SFMBT2: variants seen among roughly 807,000 people sequenced by gnomAD.
SFMBT2 encodes the protein scm-like with four MBT domains protein 2.
In SFMBT2, 38 loss-of-function variants were observed where a neutral mutation model predicts 110.1. That is an observed-to-expected ratio of 0.35 (90% CI 0.27 to 0.45). The LOEUF (loss-of-function observed/expected upper bound fraction) is 0.45. SFMBT2 is among the 20% of genes least tolerant of loss of function. The pLI, the probability that SFMBT2 is intolerant of heterozygous loss-of-function variation, is 1.00. For synonymous variants in SFMBT2, 425 were observed against 425.4 expected (o/e 1.00, Z 0.01); for missense variants, 1,011 against 1,094.9 (o/e 0.92, Z 1.08).
intron 9 of SFMBT2, among the ~76,000 whole-genome samples, chr10:7,228,982 TGGACAGGCAA>T (rs1840031765): frequency 6.6e-6 from 1 of 151,824 alleles, no homozygotes; most frequent in South Asian, 2.1e-4. Flanking sequence ...ATCAAACCAA[TGGACAGGCAA>T]GGAAAAAGGA....
chr10:7,170,203 G>A lies in SFMBT2; in HGVS notation c.2544+725C>T, dbSNP rs545087100. On this transcript the variant is annotated intron_variant, in intron 20 of 20. Coordinates refer to ENST00000397167, the MANE Select transcript of SFMBT2 (RefSeq NM_001387889.1). This position sits in a 1 kb window ranked among gnomAD's most constrained non-coding sequence, Gnocchi z 4.6. ...TGACAGCACAGTGCTGAGCTCTCTG[G>A]TTGTTGTGGTTGCTGTTTGTGTGTG... Among the ~76,000 whole-genome samples the A allele has an allele frequency of 5.4e-4, 83 of 152,302 alleles. No homozygotes were observed. The highest frequency in any genetic ancestry group is 1.9e-3 in the African/African-American group (79 of 41,566).
chr10:7,364,739 ATGTGCCCCCTCTG>A (rs1257211773), intron 4 of SFMBT2, among the ~76,000 whole-genome samples: 2 of 152,166 alleles, frequency 1.3e-5, no homozygotes, highest in African/African-American at 2.4e-5. Context: ...CACCCACTCT[ATGTGCCCCCTCTG>A]TGTGCCCTTC....
intron 10 of SFMBT2, among the ~76,000 whole-genome samples, chr10:7,223,537 C>G (rs34821491): frequency 2.7e-3 from 404 of 152,244 alleles, no homozygotes; most frequent in Middle Eastern, 3.4e-3. Context: ...TTTCCCTGCC[C>G]ATCTTCTGTT....
intron 1 of SFMBT2, among the ~76,000 whole-genome samples, chr10:7,405,443 C>T (rs1846185339): frequency 6.6e-6 from 1 of 152,190 alleles, no homozygotes; most frequent in Admixed American, 6.5e-5. Context: ...TTCGCCTTTT[C>T]CAGAGCACAG....
At chr10:7,342,501 C>G (rs998257999) in intron 4 of SFMBT2, among the ~76,000 whole-genome samples, 3 of 150,214 alleles carry the variant, frequency 2.0e-5, no homozygotes, top group African/African-American at 7.4e-5. Flanking sequence ...CTCCGCCTCC[C>G]GGGTTCATGC....
intron 4 of SFMBT2, among the ~76,000 whole-genome samples, chr10:7,364,178 T>C (rs1844816986): frequency 6.6e-6 from 1 of 152,264 alleles, no homozygotes; most frequent in African/African-American, 2.4e-5. Context: ...TTCCTGACTC[T>C]GCTCTCCATA....
intron 13 of SFMBT2, 146 bp downstream of exon 13, chr10:7,202,334 T>A: frequency 3.0e-6 from 3 of 1,006,924 alleles, no homozygotes; most frequent in Non-Finnish European, 4.5e-6. Flanking sequence ...ACATAACAAA[T>A]AACAGTCACT....
intron 4 of SFMBT2, among the ~76,000 whole-genome samples, chr10:7,365,004 C>T (rs141647358): frequency 6.6e-6 from 1 of 152,364 alleles, no homozygotes; most frequent in Non-Finnish European, 1.5e-5. Flanking sequence ...CACAGCTTCT[C>T]ACCTCAGTGG....
rs897749278 is a variant in SFMBT2 at position 7,326,100 on chromosome 10, G to A, written c.437-40146C>T. 3.3e-5 allele frequency among the ~76,000 whole-genome samples: 5 copies of A among 152,200 alleles called. 1 individual carries two copies. Among genetic ancestry groups the A allele is most frequent in the African/African-American group, 7.2e-5 (3 of 41,456 alleles). ...GGATTGAAATATCAACAGGGATATT[G>A]TAGTCCCTGATTTTCTAAGAGTAAA... is the stretch of plus-strand genomic sequence containing the variant. On this transcript the variant is annotated intron_variant, in intron 4 of 20. Coordinates refer to ENST00000397167, the MANE Select transcript of SFMBT2 (RefSeq NM_001387889.1).
chr10:7,385,697 C>T (rs1845573763), intron 1 of SFMBT2, among the ~76,000 whole-genome samples: 1 of 152,158 alleles, frequency 6.6e-6, no homozygotes, highest in African/African-American at 2.4e-5. Context: ...GGAGGGATTC[C>T]AGTACGAAAG....
chr10:7,172,158 C>T lies in SFMBT2; in HGVS notation c.2152G>A (p.Glu718Lys), dbSNP rs1377929504. The T allele has an allele frequency of 1.9e-6, 3 of 1,542,686 alleles. No individual in the cohort carries two copies. Among genetic ancestry groups the T allele is most frequent in the Non-Finnish European group, 1.7e-6 (2 of 1,144,242 alleles). ...AVDFTAGSGEESEEEDADAMD... is the reference protein window; with the variant it reads ...AVDFTAGSGEKSEEEDADAMD... ...GCGTCAGCGTCCTCCTCTTCACTTT[C>T]CTGGGAAGGAGGAAAAGGCATTTAA... The change falls in exon 19 of 21, where the codon GAA (glutamate) becomes AAA (lysine). Residue 718 changes from glutamate (E) to lysine (K), a missense_variant and splice_region_variant. Physicochemically the swap from Glu to Lys is moderately conservative, Grantham distance 56. Transcript: ENST00000397167. This position sits in a 1 kb window ranked among gnomAD's most constrained non-coding sequence, Gnocchi z 4.6.
intron 6 of SFMBT2, among the ~76,000 whole-genome samples, chr10:7,281,463 G>A (rs948318473): frequency 2.0e-5 from 3 of 152,096 alleles, no homozygotes; most frequent in African/African-American, 7.2e-5. Flanking sequence ...TTGGGAAAAC[G>A]AGAAAATCGG....
intron 4 of SFMBT2, among the ~76,000 whole-genome samples, chr10:7,358,935 A>T (rs780763338): frequency 1.3e-5 from 2 of 152,262 alleles, no homozygotes; most frequent in African/African-American, 2.4e-5. Flanking sequence ...ATATGGAGCC[A>T]TGAGAGAAGA....
chr10:7,276,789 G>C, intron 7 of SFMBT2, 103 bp downstream of exon 7: 2 of 716,366 alleles, frequency 2.8e-6, no homozygotes, highest in Non-Finnish European at 5.1e-6. Flanking sequence ...GCCTCTCAAA[G>C]TGCTGGGATT....
chr10:7,169,740 T>C (rs1837812757), intron 20 of SFMBT2, among the ~76,000 whole-genome samples: 1 of 152,178 alleles, frequency 6.6e-6, no homozygotes, highest in Non-Finnish European at 1.5e-5. Context: ...AGGTGGTGTG[T>C]GTGCAGAGTG....
chr10:7,411,065 C>CTTTTTTTTTT (rs766788794), upstream of SFMBT2, among the ~76,000 whole-genome samples: 13 of 53,912 alleles, frequency 2.4e-4, 1 homozygote, highest in African/African-American at 1.2e-3. Context: ...GCTCGGCGCT[C>CTTTTTTTTTT]TTTTTTTTTT....
At chr10:7,185,238 G>A (rs1253222368) in intron 16 of SFMBT2, among the ~76,000 whole-genome samples, 2 of 152,156 alleles carry the variant, frequency 1.3e-5, no homozygotes, top group African/African-American at 2.4e-5. Context: ...AAATAGACTG[G>A]TTCATGGCTT....
intron 4 of SFMBT2, among the ~76,000 whole-genome samples, chr10:7,316,486 G>A (rs1478018175): frequency 1.3e-5 from 2 of 152,194 alleles, no homozygotes; most frequent in African/African-American, 4.8e-5. Flanking sequence ...ACTCAGATGA[G>A]AGCAAGGTTG....
intron 4 of SFMBT2, chr10:7,286,459 A>G (rs530215045): frequency 1.4e-6 from 1 of 704,100 alleles, no homozygotes; most frequent in Non-Finnish European, 1.7e-6. Context: ...AATGGGGAGA[A>G]TAAGTAGTCC....
Sources: gnomAD v4.1 joint callset for allele counts (sites outside exome capture counted in the v4.1 genomes callset) on GRCh38, gnomAD v4.1.1 for gene constraint, Gnocchi (gnomAD v3.1) non-coding constraint, MANE v1.5 for transcripts, NCBI Gene and HGNC (gene_info 2026-07-23, HGNC 2026-07-21) for gene names.